Variants in JMY observed in about 807,000 individuals in gnomAD.
JMY encodes the protein junction-mediating and -regulatory protein.
JMY carries 46 observed loss-of-function variants against 103.3 expected under a neutral mutation model. The observed-to-expected ratio is 0.45, with a 90% CI of 0.35 to 0.57. The LOEUF (loss-of-function observed/expected upper bound fraction) is 0.57, where lower values mean the gene tolerates loss of function less well. Ranked by LOEUF, JMY falls within the 20% of genes least tolerant of loss-of-function variation. The pLI is 0.00. For synonymous variants in JMY, 526 were observed against 489.3 expected (o/e 1.07, Z -0.99); for missense variants, 1,238 against 1,255.2 (o/e 0.99, Z 0.21).
chr5:79,261,885 A>G (rs1314859414), intron 1 of JMY, among the ~76,000 whole-genome samples: 2 of 152,228 alleles, frequency 1.3e-5, no homozygotes, highest in African/African-American at 4.8e-5. Context: ...TAGGCCTCCC[A>G]AAGTGCTGGG....
chr5:79,285,559 TTC>T (rs72124845), intron 2 of JMY, among the ~76,000 whole-genome samples: 100,997 of 148,814 alleles, frequency 0.68, 35,187 homozygotes, highest in African/African-American at 0.87. Context: ...GAGTTTCGAT[TTC>T]TCTCTTTTTT....
intron 1 of JMY, among the ~76,000 whole-genome samples, chr5:79,241,021 A>C (rs767661202): frequency 6.6e-6 from 1 of 152,230 alleles, no homozygotes; most frequent in Non-Finnish European, 1.5e-5. Context: ...TTGGTCACTT[A>C]CAATACTTAG....
Position 79,314,636 on chromosome 5 carries a change from C to T in JMY, c.2444C>T (p.Pro815Leu). The T allele has an allele frequency of 1.3e-6, 2 of 1,502,622 alleles. No individual in the cohort carries two copies. Among genetic ancestry groups the T allele is most frequent in the Non-Finnish European group, 1.8e-6 (2 of 1,090,300 alleles). The allele number at this position is 1,502,622 out of a possible 1,614,324, so 93.1% of individuals were successfully genotyped here. The part of the protein sequence containing the change: ...SPLPPTPPPP[P>L]PPPPPPPPPP... ...CTTCCTCCAACACCACCACCTCCCCCACCTCCTCCCCCTCCCCCACCACCA... is the reference window on the plus strand; with the variant it reads ...CTTCCTCCAACACCACCACCTCCCCTACCTCCTCCCCCTCCCCCACCACCA... The change falls in exon 9 of 11, where the codon CCA becomes CTA. Residue 815 changes from proline (P) to leucine (L), a missense_variant. Coordinates refer to ENST00000396137, the MANE Select transcript of JMY (RefSeq NM_152405.5).
chr5:79,259,334 T>C (rs1675948224), intron 1 of JMY, among the ~76,000 whole-genome samples: 1 of 152,156 alleles, frequency 6.6e-6, no homozygotes. Flanking sequence ...GGGGCTTTTA[T>C]GGGCCTCAGG....
chr5:79,312,526 T>G, intron 8 of JMY, 28 bp downstream of exon 8: 1 of 1,219,740 alleles, frequency 8.2e-7, no homozygotes, highest in Non-Finnish European at 1.1e-6. Context: ...CCATTTATTG[T>G]TTTTCTTTTT....
At chr5:79,244,498 C>T (rs868181603) in intron 1 of JMY, among the ~76,000 whole-genome samples, 22 of 152,176 alleles carry the variant, frequency 1.4e-4, no homozygotes, top group African/African-American at 5.1e-4. Context: ...GCCATCTTAT[C>T]TTTGCAAATT....
chr5:79,241,107 A>G (rs1416643416), intron 1 of JMY, among the ~76,000 whole-genome samples: 1 of 152,120 alleles, frequency 6.6e-6, no homozygotes, highest in Non-Finnish European at 1.5e-5. Context: ...CTGTCCATTT[A>G]AAGGTTTCAA....
chr5:79,238,466 A>C (rs536986459), intron 1 of JMY, among the ~76,000 whole-genome samples: 1 of 152,150 alleles, frequency 6.6e-6, no homozygotes, highest in East Asian at 1.9e-4. Flanking sequence ...TGTGTAGGAA[A>C]TGTGTAATTC....
intron 4 of JMY, among the ~76,000 whole-genome samples, chr5:79,293,297 AC>A (rs1475002670): frequency 6.6e-6 from 1 of 152,174 alleles, no homozygotes; most frequent in Non-Finnish European, 1.5e-5. Flanking sequence ...ATTAAATATT[AC>A]CTAAGCAGGC....
intron 1 of JMY, among the ~76,000 whole-genome samples, chr5:79,275,831 G>C (rs1745922223): frequency 6.6e-6 from 1 of 152,158 alleles, no homozygotes; most frequent in Admixed American, 6.6e-5. Context: ...TAGATTGTCT[G>C]ATTTATCATG....
At chr5:79,257,889 A>T (rs147113220) in intron 1 of JMY, among the ~76,000 whole-genome samples, 4,972 of 151,986 alleles carry the variant, frequency 0.033, 96 homozygotes, top group South Asian at 0.062. Flanking sequence ...CAGCCTCCTG[A>T]GTAGCTGGGA....
intron 10 of JMY, among the ~76,000 whole-genome samples, chr5:79,316,898 TAAAAAAAAAAAAAAA>T (rs34558016): frequency 1.2e-5 from 1 of 83,620 alleles, no homozygotes; most frequent in Non-Finnish European, 2.2e-5. Context: ...GACTCAGTCT[TAAAAAAAAAAAAAAA>T]AAAAAAAAAG....
intron 1 of JMY, among the ~76,000 whole-genome samples, chr5:79,264,068 C>G (rs116800585): frequency 0.01 from 1,518 of 151,444 alleles, 23 homozygotes; most frequent in African/African-American, 0.034. Flanking sequence ...ATTACAGGCG[C>G]GAGTCACTGT....
In JMY at chr5:79,281,402, A is replaced by C. The variant is rs568585067; in HGVS notation, c.1206+3319A>C. Among the ~76,000 whole-genome samples, 74 of 150,124 alleles carry C rather than the reference A, an allele frequency of 4.9e-4. 1 individual carries two copies. The South Asian group carries it at 0.016, about 32-fold the overall frequency. On this transcript the variant is annotated intron_variant, in intron 2 of 10. Transcript: ENST00000396137. Reference sequence around the variant, plus strand: ...TTTACTTTTAAAACCTTTTTGTTAAAAACTGGAGCACAATCACACATCTAG... The same window carrying C: ...TTTACTTTTAAAACCTTTTTGTTAACAACTGGAGCACAATCACACATCTAG...
At chr5:79,239,330 A>T (rs1401909968) in intron 1 of JMY, among the ~76,000 whole-genome samples, 1 of 152,206 alleles carries the variant, frequency 6.6e-6, no homozygotes, top group Non-Finnish European at 1.5e-5. Context: ...GACAAATCTT[A>T]AGTGACCACA....
Position 79,306,369 on chromosome 5 carries a change from T to G in JMY, c.1882-6T>G, listed in dbSNP as rs368885779. ...TTGTATTAAAACACATTTTATGTAT[T>G]TACAGGAAATATGTATTGCAAAACA... On this transcript the variant is annotated splice_polypyrimidine_tract_variant and splice_region_variant and intron_variant, in intron 6 of 10. Coordinates refer to ENST00000396137, the MANE Select transcript of JMY (RefSeq NM_152405.5). 4.9e-5 allele frequency: 78 copies of G among 1,598,384 alleles called. No homozygotes were observed. The African/African-American group carries it at 9.2e-4, about 19-fold the overall frequency.
Position 79,317,210 on chromosome 5 carries a change from C to G in JMY, c.*3+900C>G, listed in dbSNP as rs2404144. 1.0e-2 allele frequency among the ~76,000 whole-genome samples: 1,521 copies of G among 152,122 alleles called. 24 individuals carry two copies. The highest frequency in any genetic ancestry group is 0.034 in the African/African-American group (1,412 of 41,508). ...ATTGTTGCATTGTCTGATTATTTAA[C>G]TTTCTAAACCCTTAAAAAAAACTAC... On this transcript the variant is annotated intron_variant, in intron 10 of 10. Coordinates refer to ENST00000396137, the MANE Select transcript of JMY (RefSeq NM_152405.5).
At chr5:79,272,713 A>C (rs1745821251) in intron 1 of JMY, among the ~76,000 whole-genome samples, 1 of 152,204 alleles carries the variant, frequency 6.6e-6, no homozygotes, top group South Asian at 2.1e-4. Flanking sequence ...AGCTCACTGC[A>C]GCCTCAAACT....
At chr5:79,314,934 T>A in intron 9 of JMY, 83 bp downstream of exon 9, 1 of 1,244,716 alleles carries the variant, frequency 8.0e-7, no homozygotes. Context: ...TTGCAAAGCT[T>A]AAAACACTTT....
Sources: allele counts gnomAD v4.1 joint callset (sites outside exome capture counted in the v4.1 genomes callset), GRCh38; gene constraint gnomAD v4.1.1; transcripts MANE v1.5; gene names NCBI Gene and HGNC (gene_info 2026-07-23, HGNC 2026-07-21).